CDK15: variants seen among roughly 807,000 people sequenced by gnomAD.
CDK15 encodes the protein cyclin-dependent kinase 15.
Under a neutral mutation model 60.3 loss-of-function variants are expected in CDK15, and 62 were observed. That is an observed-to-expected ratio of 1.03 (90% CI 0.84 to 1.27). The LOEUF is 1.27. Ranked by LOEUF, CDK15 falls within the 50% of genes most tolerant of loss-of-function variation. The pLI, the probability that CDK15 is intolerant of heterozygous loss-of-function variation, is 0.00. For missense variants in CDK15, 541 were observed against 527.8 expected (o/e 1.03, Z -0.25); for synonymous variants, 194 against 195.7 (o/e 0.99, Z 0.07).
At chr2:201,884,529 G>A (rs1006144403) in intron 12 of CDK15, among the ~76,000 whole-genome samples, 28 of 152,026 alleles carry the variant, frequency 1.8e-4, no homozygotes, top group African/African-American at 6.5e-4. Context: ...TTTTGTTTTG[G>A]TTCAATAAAA....
intron 8 of CDK15, among the ~76,000 whole-genome samples, chr2:201,837,452 AAGGAAGGAAGGAAGGAAGGAAGG>A (rs1697169370): frequency 7.6e-4 from 1 of 1,308 alleles, no homozygotes; most frequent in Non-Finnish European, 1.2e-3. Context: ...GAAGGAAAGG[AAGGAAGGAAGGAAGGAAGGAAGG>A]AAGGAAGGAA....
At chr2:201,815,247 T>C (rs921833102) in intron 4 of CDK15, among the ~76,000 whole-genome samples, 4 of 152,196 alleles carry the variant, frequency 2.6e-5, no homozygotes, top group Non-Finnish European at 4.4e-5. Context: ...TCAGTGCTTT[T>C]CATACTTCTT....
At chr2:201,869,464 C>G (rs779195825) in intron 10 of CDK15, among the ~76,000 whole-genome samples, 1 of 151,574 alleles carries the variant, frequency 6.6e-6, no homozygotes, top group African/African-American at 2.4e-5. Context: ...ACCAACATGG[C>G]GCATGTATAC....
At chr2:201,842,557 G>A (rs1315845403) in intron 8 of CDK15, among the ~76,000 whole-genome samples, 2 of 152,140 alleles carry the variant, frequency 1.3e-5, no homozygotes, top group Non-Finnish European at 2.9e-5. Context: ...ATGAAATACT[G>A]ATTCATTTCT....
At position 201,847,487 on chromosome 2, in the gene CDK15, TTC is replaced by T; in HGVS notation, c.945+15_945+16del. 3.7e-6 allele frequency: 6 copies of T among 1,608,432 alleles called. No individual in the cohort carries two copies. Among genetic ancestry groups the T allele is most frequent in the Non-Finnish European group, 5.1e-6 (6 of 1,175,846 alleles). ...GAAAATCTGGGAGGTAGGAGAATAA[TTC>T]TTCTAAAGAAAATGAAATATCTGCA... is the stretch of plus-strand genomic sequence containing the variant. On this transcript the variant is annotated intron_variant, in intron 9 of 13. Coordinates refer to ENST00000652192, the MANE Select transcript of CDK15 (RefSeq NM_001366386.2).
intron 8 of CDK15, among the ~76,000 whole-genome samples, chr2:201,846,820 G>A (rs1697691373): frequency 6.6e-6 from 1 of 152,116 alleles, no homozygotes; most frequent in African/African-American, 2.4e-5. Context: ...GTCAAATGCT[G>A]AATGTGAAAA....
chr2:201,845,011 T>A (rs1697586141), intron 8 of CDK15, among the ~76,000 whole-genome samples: 1 of 152,040 alleles, frequency 6.6e-6, no homozygotes, highest in Non-Finnish European at 1.5e-5. Context: ...TAGCCAGGCA[T>A]GCTGGTGCAT....
intron 9 of CDK15, among the ~76,000 whole-genome samples, chr2:201,851,291 C>CA (rs1176883047): frequency 0.38 from 10,456 of 27,648 alleles, 2,724 homozygotes; most frequent in East Asian, 0.5. Flanking sequence ...GACTTCATCT[C>CA]AAAAAAAAAA....
At chr2:201,851,904 C>T (rs1389499677) in intron 9 of CDK15, among the ~76,000 whole-genome samples, 1 of 152,200 alleles carries the variant, frequency 6.6e-6, no homozygotes, top group African/African-American at 2.4e-5. Context: ...GGTGATCCAC[C>T]TGCCTCAGCC....
intron 6 of CDK15, among the ~76,000 whole-genome samples, chr2:201,832,109 G>A (rs766321586): frequency 2.0e-5 from 3 of 150,978 alleles, no homozygotes; most frequent in Non-Finnish European, 4.4e-5. Flanking sequence ...GCAGAGGCAC[G>A]ATCCTGGCTC....
intron 12 of CDK15, chr2:201,888,470 C>T (rs1699537588): frequency 6.5e-7 from 1 of 1,535,008 alleles, no homozygotes; most frequent in Non-Finnish European, 8.7e-7. Context: ...AGTGAAGCAG[C>T]TGCGATAATT....
chr2:201,882,398 A>G lies in CDK15; in HGVS notation c.1198+2231A>G, dbSNP rs183070536. On this transcript the variant is annotated intron_variant, in intron 12 of 13. Coordinates refer to ENST00000652192, the MANE Select transcript of CDK15 (RefSeq NM_001366386.2). The surrounding 1 kb of genome is among the most constrained non-coding windows in gnomAD (Gnocchi z 4.0). The stretch of plus-strand genomic sequence containing the variant: ...GAAGTTGACTTTTCTTTATACATAT[A>G]GGGGTTTTTCCATGCAGAGTTTAAA... 2.0e-5 allele frequency among the ~76,000 whole-genome samples: 3 copies of G among 152,298 alleles called. No homozygotes were observed. In the East Asian group the frequency reaches 5.8e-4, roughly 29 times the overall value.
chr2:201,843,946 G>T (rs1283821887), intron 8 of CDK15, among the ~76,000 whole-genome samples: 2 of 151,300 alleles, frequency 1.3e-5, no homozygotes, highest in Non-Finnish European at 3.0e-5. Flanking sequence ...CCCTACAGCT[G>T]TTAAGTATGA....
At chr2:201,881,119 G>A (rs563335921) in intron 12 of CDK15, among the ~76,000 whole-genome samples, 94 of 152,238 alleles carry the variant, frequency 6.2e-4, no homozygotes, top group African/African-American at 2.2e-3. Flanking sequence ...ATGGGGACAG[G>A]GTGAGGAGCT....
chr2:201,868,243 G>A (rs1698710516), intron 10 of CDK15, among the ~76,000 whole-genome samples: 1 of 152,180 alleles, frequency 6.6e-6, no homozygotes, highest in Admixed American at 6.5e-5. Context: ...GAGACAGAGT[G>A]AAGAAATTTT....
At chr2:201,843,018 G>A (rs1036952371) in intron 8 of CDK15, among the ~76,000 whole-genome samples, 1 of 152,014 alleles carries the variant, frequency 6.6e-6, no homozygotes, top group African/African-American at 2.4e-5. Flanking sequence ...AATAGAAGCT[G>A]GTTCCCTATC....
intron 10 of CDK15, among the ~76,000 whole-genome samples, chr2:201,864,881 A>T (rs2105805120): frequency 6.6e-6 from 1 of 152,352 alleles, no homozygotes; most frequent in South Asian, 2.1e-4. Flanking sequence ...AGAAATACAG[A>T]AGTCACATGC....
intron 5 of CDK15, among the ~76,000 whole-genome samples, chr2:201,823,272 A>C (rs1696310573): frequency 6.6e-6 from 1 of 152,248 alleles, no homozygotes; most frequent in African/African-American, 2.4e-5. Flanking sequence ...ATTGTATGCA[A>C]GCTTGCTAAA....
chr2:201,835,211 C>A (rs1696953139), intron 7 of CDK15, among the ~76,000 whole-genome samples: 1 of 152,148 alleles, frequency 6.6e-6, no homozygotes, highest in Non-Finnish European at 1.5e-5. Flanking sequence ...TATGGTGGCC[C>A]CATGCTATCT....
Sources: gnomAD v4.1 joint callset for allele counts (sites outside exome capture counted in the v4.1 genomes callset) on GRCh38, gnomAD v4.1.1 for gene constraint, Gnocchi (gnomAD v3.1) non-coding constraint, MANE v1.5 for transcripts, NCBI Gene and HGNC (gene_info 2026-07-23, HGNC 2026-07-21) for gene names.